The following GNA14 variants were observed in gnomAD, a reference collection of about 807,000 sequenced individuals.
The protein encoded by GNA14 is G protein subunit alpha 14.
A neutral mutation model predicts 42.0 loss-of-function variants in GNA14; 50 were observed. That is an observed-to-expected ratio of 1.19 (90% confidence interval 0.95 to 1.51). The LOEUF is 1.51. Among genes scored for constraint, GNA14 ranks in the 40% most tolerant of loss-of-function variants. The pLI is 0.00. For synonymous variants in GNA14, 173 were observed against 163.1 expected, an observed-to-expected ratio of 1.06 and a Z score of -0.46; for missense variants, 473 against 446.2, an observed-to-expected ratio of 1.06 and a Z score of -0.54.
At chr9:77,529,327 T>G in intron 1 of GNA14, 74 bp from the exon 2 acceptor site, 1 of 1,140,664 alleles carries the variant, frequency 8.8e-7, no homozygotes, top group Non-Finnish European at 1.3e-6. Flanking sequence ...GAGGACCTCC[T>G]GGCAGTATTA....
chr9:77,622,740 G>GA (rs1473891903), intron 1 of GNA14, among the ~76,000 whole-genome samples: 2 of 141,812 alleles, frequency 1.4e-5, no homozygotes, highest in African/African-American at 5.3e-5. Flanking sequence ...ACAAAAAAAA[G>GA]AAAAATAGCC....
intron 1 of GNA14, among the ~76,000 whole-genome samples, chr9:77,530,408 A>C (rs11791271): frequency 0.22 from 33,879 of 152,160 alleles, 3,904 homozygotes; most frequent in Middle Eastern, 0.24. Flanking sequence ...GAAGCCGAGC[A>C]GATGTCAGCA....
At chr9:77,641,096 GGGGGGAAGGAAGGAAGGAA>G (rs1824256061) in intron 1 of GNA14, among the ~76,000 whole-genome samples, 2 of 21,406 alleles carry the variant, frequency 9.3e-5, no homozygotes, top group Non-Finnish European at 1.4e-4. Context: ...GGAGGGGAGG[GGGGGGAAGGAAGGAAGGAA>G]GGAAGGAAGG....
intron 1 of GNA14, among the ~76,000 whole-genome samples, chr9:77,630,789 G>A (rs1376090562): frequency 6.6e-6 from 1 of 152,108 alleles, no homozygotes; most frequent in Non-Finnish European, 1.5e-5. Flanking sequence ...TTTGCACACA[G>A]AAAGACCCTA....
At chr9:77,495,118 G>T (rs1836849700) in intron 2 of GNA14, among the ~76,000 whole-genome samples, 1 of 152,044 alleles carries the variant, frequency 6.6e-6, no homozygotes, top group African/African-American at 2.4e-5. Flanking sequence ...TATGAATATT[G>T]GAAACTCTTG....
At chr9:77,474,708 C>T (rs1367624321) in intron 2 of GNA14, among the ~76,000 whole-genome samples, 1 of 152,200 alleles carries the variant, frequency 6.6e-6, no homozygotes, top group African/African-American at 2.4e-5. Context: ...ATTTTCACTG[C>T]AGCATTATTC....
chr9:77,501,641 T>C (rs1836972399), intron 2 of GNA14, among the ~76,000 whole-genome samples: 1 of 152,186 alleles, frequency 6.6e-6, no homozygotes, highest in Admixed American at 6.5e-5. Context: ...TCCAAGTTTG[T>C]AGCTTGTCTT....
intron 2 of GNA14, among the ~76,000 whole-genome samples, chr9:77,519,701 A>G (rs1181915785): frequency 6.6e-6 from 1 of 152,126 alleles, no homozygotes; most frequent in Non-Finnish European, 1.5e-5. Context: ...AATGTACACT[A>G]CTTGGTGATG....
intron 1 of GNA14, among the ~76,000 whole-genome samples, chr9:77,583,049 T>C (rs1369737030): frequency 6.6e-6 from 1 of 152,200 alleles, no homozygotes; most frequent in Non-Finnish European, 1.5e-5. Context: ...ACTGCAAATA[T>C]AACAGAAGGC....
intron 2 of GNA14, among the ~76,000 whole-genome samples, chr9:77,457,633 ACATGTTTCCAGCGAC>A (rs955954214): frequency 6.6e-6 from 1 of 152,272 alleles, no homozygotes; most frequent in South Asian, 2.1e-4. Context: ...GAATTTAACT[ACATGTTTCCAGCGAC>A]CACATTTCCC....
chr9:77,561,341 T>C (rs1364213748), intron 1 of GNA14, among the ~76,000 whole-genome samples: 2 of 152,120 alleles, frequency 1.3e-5, no homozygotes, highest in Non-Finnish European at 2.9e-5. Flanking sequence ...CAAATCCATC[T>C]TTAGAGGCCG....
intron 1 of GNA14, among the ~76,000 whole-genome samples, chr9:77,535,480 G>C (rs1837583421): frequency 2.6e-5 from 4 of 152,104 alleles, no homozygotes; most frequent in Admixed American, 2.0e-4. Flanking sequence ...GGAGGCAGAG[G>C]TTGCACTGAG....
Position 77,425,554 on chromosome 9 carries a change from A to G in GNA14, c.877+8T>C, listed in dbSNP as rs1245690874. 1 of 1,593,158 alleles carries G rather than the reference A, an allele frequency of 6.3e-7. No individual in the cohort carries two copies. The highest frequency in any genetic ancestry group is 1.3e-5 in the African/African-American group (1 of 74,312). ...ACAGAAAACACTGTCCACAAGATAG[A>G]CACTTACCTGTGTATTCTGGGAAAT... On this transcript the variant is annotated splice_region_variant and intron_variant, in intron 6 of 6. Transcript: ENST00000341700.
chr9:77,563,031 C>A (rs116917930), intron 1 of GNA14, among the ~76,000 whole-genome samples: 2,939 of 152,250 alleles, frequency 0.019, 52 homozygotes, highest in Middle Eastern at 0.068. Context: ...TTTCCAGCAA[C>A]TTTAGAGTCT....
At chr9:77,590,769 A>T (rs1405143370) in intron 1 of GNA14, among the ~76,000 whole-genome samples, 2 of 152,202 alleles carry the variant, frequency 1.3e-5, no homozygotes, top group Non-Finnish European at 2.9e-5. Flanking sequence ...TTATTAATAT[A>T]AGCATCCCAC....
At chr9:77,576,835 T>A (rs2131799331) in intron 1 of GNA14, among the ~76,000 whole-genome samples, 2 of 152,144 alleles carry the variant, frequency 1.3e-5, no homozygotes, top group South Asian at 4.2e-4. Flanking sequence ...ATGAGTGTTA[T>A]CAGAAACACA....
chr9:77,647,592 G>T, intron 1 of GNA14, 78 bp downstream of exon 1: 2 of 1,494,886 alleles, frequency 1.3e-6, no homozygotes, highest in Non-Finnish European at 9.0e-7. Flanking sequence ...CCAGGGCCGC[G>T]CGGGTGCCAG....
chr9:77,452,255 C>T (rs1554688177), intron 2 of GNA14, among the ~76,000 whole-genome samples: 3 of 152,100 alleles, frequency 2.0e-5, no homozygotes, highest in Non-Finnish European at 4.4e-5. Context: ...ACAGATTTGC[C>T]TTTAAGTAGC....
chr9:77,526,074 G>GT (rs1837432162), intron 2 of GNA14, among the ~76,000 whole-genome samples: 2 of 130,652 alleles, frequency 1.5e-5, no homozygotes, highest in South Asian at 2.3e-4. Flanking sequence ...GCTAATTTTT[G>GT]TATTTTTTTT....
Sources: allele counts gnomAD v4.1 joint callset (sites outside exome capture counted in the v4.1 genomes callset), GRCh38; gene constraint gnomAD v4.1.1; transcripts MANE v1.5; gene names NCBI Gene and HGNC (gene_info 2026-07-23, HGNC 2026-07-21).